Variants in SRGAP3 observed in about 807,000 individuals in gnomAD.
The protein encoded by SRGAP3 is SLIT-ROBO Rho GTPase activating protein 3.
SRGAP3 carries 39 observed loss-of-function variants against 121.1 expected under a neutral mutation model. That is an observed-to-expected ratio of 0.32 (90% CI 0.25 to 0.42). The LOEUF (loss-of-function observed/expected upper bound fraction) is 0.42, where lower values mean the gene tolerates loss of function less well. Ranked by LOEUF, SRGAP3 falls within the 10% of genes least tolerant of loss-of-function variation. The pLI is 1.00. For missense variants in SRGAP3, 1,213 were observed against 1,470.6 expected (o/e 0.82, Z 2.86); for synonymous variants, 601 against 570.0 (o/e 1.05, Z -0.77).
At position 9,064,211 on chromosome 3, in the gene SRGAP3, G is replaced by A. The variant is rs924125982; in HGVS notation, c.672+185C>T. ...TGTTAGCACGGGCATGCCTGGCTCC[G>A]CTTCCACTAGGACACCGATCTCCAA... On this transcript the variant is annotated intron_variant, in intron 5 of 21. Coordinates refer to ENST00000383836, the MANE Select transcript of SRGAP3 (RefSeq NM_014850.4). Among the ~76,000 whole-genome samples the A allele has an allele frequency of 5.3e-5, 8 of 152,174 alleles. No homozygotes were observed. The South Asian group carries it at 6.2e-4, about 12-fold the overall frequency.
At chr3:9,138,667 CAT>C (rs1949748264) in intron 1 of SRGAP3, among the ~76,000 whole-genome samples, 1 of 152,218 alleles carries the variant, frequency 6.6e-6, no homozygotes, top group Admixed American at 6.5e-5. Context: ...TGAGCACTCA[CAT>C]GATGCCACAA....
chr3:9,058,512 C>T, intron 6 of SRGAP3, 40 bp from the exon 7 acceptor site: 1 of 1,601,814 alleles, frequency 6.2e-7, no homozygotes, highest in Non-Finnish European at 8.5e-7. Context: ...GGGTGACAGC[C>T]AGGATGTGGA....
intron 18 of SRGAP3, among the ~76,000 whole-genome samples, chr3:8,997,059 C>T (rs946191638): frequency 1.3e-5 from 2 of 152,178 alleles, no homozygotes; most frequent in Admixed American, 1.3e-4. Flanking sequence ...TCAGAGAAAG[C>T]ACGTGTGTTT....
chr3:9,287,741 C>A (rs1954800422), intron 3 of SRGAP3, among the ~76,000 whole-genome samples: 1 of 152,138 alleles, frequency 6.6e-6, no homozygotes, highest in Non-Finnish European at 1.5e-5. Flanking sequence ...TGCACTTGTA[C>A]CCCCTAAATA....
rs1400832266 is a variant in SRGAP3, at chr3:8,984,402, C to G, written c.*1117G>C. 1 of 230,962 alleles carries G rather than the reference C, an allele frequency of 4.3e-6. No homozygotes were observed. Among genetic ancestry groups the G allele is most frequent in the Non-Finnish European group, 8.6e-6 (1 of 116,810 alleles). The allele number at this position is 230,962 out of a possible 1,614,324, so 14.3% of individuals were successfully genotyped here. On this transcript the variant is annotated 3_prime_UTR_variant, in exon 22 of 22. Transcript: ENST00000383836. ...TCAAAGCCTCCTTGCCTGTTTAGTTCCAAATCTGACACAGTATAATTAGTA... is the reference window on the plus strand; with the variant it reads ...TCAAAGCCTCCTTGCCTGTTTAGTTGCAAATCTGACACAGTATAATTAGTA...
At chr3:8,989,542 T>G (rs73810783) in intron 21 of SRGAP3, among the ~76,000 whole-genome samples, 1,842 of 152,240 alleles carry the variant, frequency 0.012, 30 homozygotes, top group African/African-American at 0.041. Context: ...CACAGTAAAA[T>G]TCTCACAGAC....
At chr3:9,351,978 G>A (rs2030191120) in intron 1 of SRGAP3, among the ~76,000 whole-genome samples, 1 of 152,114 alleles carries the variant, frequency 6.6e-6, no homozygotes, top group Admixed American at 6.5e-5. Flanking sequence ...AACGGCAGCT[G>A]GGAATTCCCC....
At chr3:9,240,639 C>T (rs1262824189) in intron 1 of SRGAP3, among the ~76,000 whole-genome samples, 3 of 152,176 alleles carry the variant, frequency 2.0e-5, no homozygotes, top group Non-Finnish European at 4.4e-5. Flanking sequence ...AACCTTCCAC[C>T]GTCATGGAGA....
chr3:9,147,627 G>A (rs943531851), intron 1 of SRGAP3, among the ~76,000 whole-genome samples: 1 of 152,122 alleles, frequency 6.6e-6, no homozygotes, highest in Non-Finnish European at 1.5e-5. Flanking sequence ...CCCTTCCAGG[G>A]AAGATTCCAG....
chr3:9,248,432 C>G (rs981109485), intron 1 of SRGAP3, among the ~76,000 whole-genome samples: 1 of 151,792 alleles, frequency 6.6e-6, no homozygotes, highest in African/African-American at 2.4e-5. Context: ...GAGAAAGAGG[C>G]GGAGGCAAAA....
chr3:9,259,375 C>T (rs778049404), intron 3 of SRGAP3, among the ~76,000 whole-genome samples: 4 of 152,126 alleles, frequency 2.6e-5, no homozygotes, highest in South Asian at 2.1e-4. Flanking sequence ...ACTTCCTGGG[C>T]TCAAGCGATC....
chr3:9,060,389 C>A (rs1454626288), intron 5 of SRGAP3, 30 bp from the exon 6 acceptor site: 3 of 1,609,240 alleles, frequency 1.9e-6, no homozygotes, highest in South Asian at 2.2e-5. Flanking sequence ...GATGTAAGAG[C>A]AAGCCATTTA....
At chr3:9,028,539 C>A (rs56282488) in intron 12 of SRGAP3, among the ~76,000 whole-genome samples, 36,216 of 152,134 alleles carry the variant, frequency 0.24, 4,478 homozygotes, top group Non-Finnish European at 0.26. Flanking sequence ...ATAAGTTATT[C>A]CCAGCTGCCC....
At chr3:9,360,669 G>C (rs1007198551) in intron 1 of SRGAP3, among the ~76,000 whole-genome samples, 2 of 152,232 alleles carry the variant, frequency 1.3e-5, no homozygotes, top group Non-Finnish European at 2.9e-5. Flanking sequence ...GCAAGAAAGA[G>C]AATGGGAGAA....
At chr3:9,355,284 C>A (rs147992350) in intron 1 of SRGAP3, among the ~76,000 whole-genome samples, 1 of 152,362 alleles carries the variant, frequency 6.6e-6, no homozygotes, top group Admixed American at 6.5e-5. Flanking sequence ...TCATCTCTCA[C>A]TTGGACCAAT....
In SRGAP3 at chr3:8,986,060, C is replaced by G. The variant is rs1399909916; in HGVS notation, c.2887-128G>C. ...CTCGCGGCAGGGATGGAGATTAAGT[C>G]CTCAGGATGTCTTATAACCACATGG... On this transcript the variant is annotated intron_variant, in intron 21 of 21. Coordinates refer to ENST00000383836, the MANE Select transcript of SRGAP3 (RefSeq NM_014850.4). 2.6e-6 allele frequency: 4 copies of G among 1,533,214 alleles called. No homozygotes were observed. The East Asian group carries it at 9.6e-5, about 37-fold the overall frequency. The allele number at this position is 1,533,214 out of a possible 1,614,324, so 95.0% of individuals were successfully genotyped here.
At chr3:8,991,436 G>A (rs1942051582) in intron 20 of SRGAP3, among the ~76,000 whole-genome samples, 1 of 152,158 alleles carries the variant, frequency 6.6e-6, no homozygotes, top group South Asian at 2.1e-4. Context: ...TGGCTGGACA[G>A]CCCTTTTGTG....
intron 18 of SRGAP3, among the ~76,000 whole-genome samples, chr3:8,999,306 G>C (rs188328285): frequency 2.2e-4 from 33 of 152,332 alleles, no homozygotes; most frequent in African/African-American, 7.9e-4. Flanking sequence ...GGCTACACTG[G>C]TGCGGCCTCT....
intron 3 of SRGAP3, among the ~76,000 whole-genome samples, chr3:9,096,986 T>TAC (rs1948011468): frequency 8.9e-6 from 1 of 112,642 alleles, no homozygotes; most frequent in Non-Finnish European, 1.9e-5. Context: ...TATATACACA[T>TAC]ACACACACAT....
Sources: allele counts gnomAD v4.1 joint callset (sites outside exome capture counted in the v4.1 genomes callset), GRCh38; gene constraint gnomAD v4.1.1; transcripts MANE v1.5; gene names NCBI Gene and HGNC (gene_info 2026-07-23, HGNC 2026-07-21).